The following CMIP variants were observed in gnomAD, a reference collection of about 807,000 sequenced individuals.
The protein encoded by CMIP is C-Maf-inducing protein.
CMIP carries 13 observed loss-of-function variants against 97.3 expected under a neutral mutation model. The ratio of observed to expected loss-of-function variants is 0.13; its 90% CI spans 0.09 to 0.21. The LOEUF is 0.21. CMIP is among the 10% of genes least tolerant of loss of function. The probability of loss-of-function intolerance (pLI) is 1.00; values close to 1 mark genes in which losing one functional copy is unlikely to be tolerated. For synonymous variants in CMIP, 538 were observed against 436.3 expected (o/e 1.23, Z -2.91); for missense variants, 847 against 1,024.9 (o/e 0.83, Z 2.37).
At chr16:81,514,672 G>GCC in intron 1 of CMIP, among the ~76,000 whole-genome samples, 1 of 152,202 alleles carries the variant, frequency 6.6e-6, no homozygotes, top group Non-Finnish European at 1.5e-5. Flanking sequence ...GAAGGTCATG[G>GCC]CTTCACCCCT....
intron 6 of CMIP, among the ~76,000 whole-genome samples, chr16:81,662,326 A>C (rs1279913263): frequency 6.6e-6 from 1 of 152,140 alleles, no homozygotes; most frequent in Non-Finnish European, 1.5e-5. Context: ...TGTGTTTCCT[A>C]CCTGAGGCTT....
At chr16:81,649,274 T>G (rs1429058136) in intron 3 of CMIP, among the ~76,000 whole-genome samples, 1 of 152,252 alleles carries the variant, frequency 6.6e-6, no homozygotes, top group East Asian at 1.9e-4. Context: ...AGGCAAGGGC[T>G]TGGGCCCTCC....
chr16:81,657,851 C>A, intron 5 of CMIP, 35 bp downstream of exon 5: 1 of 1,563,512 alleles, frequency 6.4e-7, no homozygotes, highest in Non-Finnish European at 8.7e-7. Flanking sequence ...CTCCACCCAC[C>A]TCCGCCTCCT....
intron 1 of CMIP, among the ~76,000 whole-genome samples, chr16:81,478,255 A>T (rs1382316167): frequency 6.6e-6 from 1 of 152,216 alleles, no homozygotes; most frequent in Non-Finnish European, 1.5e-5. Context: ...CACATGTAGC[A>T]CAGTGGAAGG....
intron 1 of CMIP, chr16:81,495,532 A>C: frequency 6.2e-7 from 1 of 1,607,840 alleles, no homozygotes; most frequent in Non-Finnish European, 8.5e-7. Flanking sequence ...GTCCAGCTTG[A>C]TGTCTGTGCC....
At chr16:81,546,764 A>T (rs1173320947) in intron 1 of CMIP, among the ~76,000 whole-genome samples, 2 of 152,122 alleles carry the variant, frequency 1.3e-5, no homozygotes, top group African/African-American at 4.8e-5. Flanking sequence ...GGAGCTAGAC[A>T]TCCCTCTAGA....
At chr16:81,651,527 A>G (rs140704067) in intron 3 of CMIP, 3 of 235,550 alleles carry the variant, frequency 1.3e-5, no homozygotes, top group African/African-American at 4.6e-5. Context: ...GCCGGAGTCT[A>G]ATTCCTGGCC....
At chr16:81,644,740 A>C (rs926214373) in intron 3 of CMIP, among the ~76,000 whole-genome samples, 1 of 152,230 alleles carries the variant, frequency 6.6e-6, no homozygotes, top group African/African-American at 2.4e-5. Flanking sequence ...CCAGCCAGCC[A>C]TTGTCCCCGG....
At chr16:81,508,893 A>G (rs573566261) in intron 1 of CMIP, among the ~76,000 whole-genome samples, 89 of 152,294 alleles carry the variant, frequency 5.8e-4, no homozygotes, top group Non-Finnish European at 7.6e-4. Context: ...GGAAGTACTT[A>G]GGAGAGCAAG....
intron 1 of CMIP, among the ~76,000 whole-genome samples, chr16:81,516,081 C>T (rs952613432): frequency 7.2e-5 from 11 of 152,268 alleles, no homozygotes; most frequent in Middle Eastern, 3.4e-3. Flanking sequence ...GCTCCATTGC[C>T]CCCGTTTGGG....
chr16:81,491,683 G>C (rs796912364), intron 1 of CMIP, among the ~76,000 whole-genome samples: 7 of 152,280 alleles, frequency 4.6e-5, no homozygotes, highest in African/African-American at 1.7e-4. Flanking sequence ...GCCGCTTGAC[G>C]TCCCCAACTC....
intron 3 of CMIP, among the ~76,000 whole-genome samples, chr16:81,648,609 C>T (rs1000082535): frequency 6.6e-6 from 1 of 151,780 alleles, no homozygotes; most frequent in African/African-American, 2.4e-5. Context: ...CATGGTGAAG[C>T]CCATCTCTAC....
chr16:81,505,973 C>T (rs1055793332), intron 1 of CMIP, among the ~76,000 whole-genome samples: 4 of 152,138 alleles, frequency 2.6e-5, no homozygotes, highest in African/African-American at 4.8e-5. Flanking sequence ...CCAGCCTGGG[C>T]GACAAGAGCA....
intron 3 of CMIP, among the ~76,000 whole-genome samples, chr16:81,641,314 C>T (rs1282849807): frequency 6.6e-6 from 1 of 152,192 alleles, no homozygotes; most frequent in Non-Finnish European, 1.5e-5. Context: ...AGAGCACCTT[C>T]CCTGGGTGGC....
At chr16:81,605,590 C>G (rs950942088) in intron 1 of CMIP, among the ~76,000 whole-genome samples, 1 of 152,208 alleles carries the variant, frequency 6.6e-6, no homozygotes, top group Admixed American at 6.5e-5. Context: ...TCCAACGCAT[C>G]GCTTACCCAG....
Position 81,498,417 on chromosome 16 carries a change from GT to G in CMIP, c.300+52877del, listed in dbSNP as rs767991302. Among the ~76,000 whole-genome samples, 7 of 152,170 alleles carry G rather than the reference GT, an allele frequency of 4.6e-5. No individual in the cohort carries two copies. In the South Asian group the frequency reaches 1.4e-3, roughly 31 times the overall value. ...TTGTCCCCCGGCCTTTTTGGTCTGG[GT>G]CCTCACCTCTGCACCGAGTCCCCCT... On this transcript the variant is annotated intron_variant, in intron 1 of 20. Coordinates refer to ENST00000537098, the MANE Select transcript of CMIP (RefSeq NM_198390.3).
At chr16:81,613,038 G>C (rs1200020860) in intron 2 of CMIP, among the ~76,000 whole-genome samples, 11 of 152,218 alleles carry the variant, frequency 7.2e-5, no homozygotes, top group Non-Finnish European at 2.9e-5. Flanking sequence ...AAGCCCCTTA[G>C]AGATGCCTGT....
chr16:81,504,656 A>AG (rs2089673542), intron 1 of CMIP, among the ~76,000 whole-genome samples: 2 of 149,882 alleles, frequency 1.3e-5, no homozygotes, highest in South Asian at 2.1e-4. Flanking sequence ...AAAAAAAAAA[A>AG]AAAAAAAAAA....
chr16:81,544,130 G>C (rs2090499338), intron 1 of CMIP, among the ~76,000 whole-genome samples: 1 of 152,318 alleles, frequency 6.6e-6, no homozygotes, highest in Non-Finnish European at 1.5e-5. Context: ...ACACGCAGGG[G>C]TCCCCCCGCC....
Sources: gnomAD v4.1 joint callset for allele counts (sites outside exome capture counted in the v4.1 genomes callset) on GRCh38, gnomAD v4.1.1 for gene constraint, MANE v1.5 for transcripts, NCBI Gene and HGNC (gene_info 2026-07-23, HGNC 2026-07-21) for gene names.